The following SFMBT2 variants were observed in gnomAD, a reference collection of about 807,000 sequenced individuals.
The protein encoded by SFMBT2 is Scm like with four mbt domains 2, also known as scm-like with four MBT domains protein 2.
SFMBT2 carries 38 observed loss-of-function variants against 110.1 expected under a neutral mutation model. The ratio of observed to expected loss-of-function variants is 0.35; its 90% CI spans 0.27 to 0.45. The LOEUF (loss-of-function observed/expected upper bound fraction) is 0.45. Among genes scored for constraint, SFMBT2 ranks in the 20% least tolerant of loss-of-function variants. The pLI, the probability that SFMBT2 is intolerant of heterozygous loss-of-function variation, is 1.00. For missense variants in SFMBT2, 1,011 were observed against 1,094.9 expected, an observed-to-expected ratio of 0.92 and a Z score of 1.08; for synonymous variants, 425 against 425.4, an observed-to-expected ratio of 1.00 and a Z score of 0.01.
chr10:7,174,911 C>T (rs1248056292), intron 17 of SFMBT2, among the ~76,000 whole-genome samples: 1 of 152,182 alleles, frequency 6.6e-6, no homozygotes, highest in African/African-American at 2.4e-5. Flanking sequence ...GCACAGCTGG[C>T]CTCCATCAGA....
chr10:7,374,731 G>T (rs1480003241), intron 2 of SFMBT2, among the ~76,000 whole-genome samples: 1 of 152,070 alleles, frequency 6.6e-6, no homozygotes. Flanking sequence ...GACCTAGAAT[G>T]GGATTTAAAA....
chr10:7,173,957 G>T (rs542500125), intron 17 of SFMBT2, among the ~76,000 whole-genome samples: 165 of 152,278 alleles, frequency 1.1e-3, no homozygotes, highest in Admixed American at 1.9e-3. Context: ...CTTACAAAAT[G>T]AGACCATCAG....
Position 7,288,862 on chromosome 10 carries a change from C to CCT in SFMBT2, c.437-2909_437-2908insAG, listed in dbSNP as rs1554798914. On this transcript the variant is annotated intron_variant, in intron 4 of 20. Coordinates refer to ENST00000397167, the MANE Select transcript of SFMBT2 (RefSeq NM_001387889.1). ...TGGCCAATATGGTGAAACCCCCCCC[C>CCT]CCATCTCCACTAGAAATAGAAAAAT... is the stretch of plus-strand genomic sequence containing the variant. Among the ~76,000 whole-genome samples, 1,274 of 151,414 alleles carry CCT rather than the reference C, an allele frequency of 8.4e-3. 15 individuals are homozygous for CCT. The highest frequency in any genetic ancestry group is 0.029 in the African/African-American group (1,205 of 41,220).
rs151299026 is a variant in SFMBT2, at chr10:7,285,879, T to C, written c.512A>G (p.Asn171Ser). The C allele has an allele frequency of 8.0e-6, 7 of 872,526 alleles. No homozygotes were observed. The highest frequency in any genetic ancestry group is 2.4e-5 in the East Asian group (1 of 41,718). 54.0% of individuals were successfully genotyped at this position (872,526 alleles called of 1,614,324 possible). Residue 171 changes from asparagine to serine, a missense_variant, in exon 5 of 21, where the codon AAC becomes AGC. This residue lies in a region of SFMBT2 where 979 missense variants were observed against 1,016.1 expected (regional missense o/e 0.96). Coordinates refer to ENST00000397167, the MANE Select transcript of SFMBT2 (RefSeq NM_001387889.1). Reference protein sequence around the residue: ...DLTGSRTAPANLLEGPLRGKG... With the variant: ...DLTGSRTAPASLLEGPLRGKG... The stretch of plus-strand genomic sequence containing the variant: ...AACAATACATACACCTTCCAGGAGG[T>C]TGGCGGGTGCTGTCCTCGAACCAGT...
At position 7,410,419 on chromosome 10, in the gene SFMBT2, G is replaced by A. The variant is rs934973218; in HGVS notation, c.-52+442C>T. Among the ~76,000 whole-genome samples the A allele has an allele frequency of 2.6e-5, 4 of 152,248 alleles. No homozygotes were observed. The South Asian group carries it at 8.3e-4, about 32-fold the overall frequency. On this transcript the variant is annotated intron_variant, in intron 1 of 20. Coordinates refer to ENST00000397167, the MANE Select transcript of SFMBT2 (RefSeq NM_001387889.1). ...ACGCGGGAGCGCGGGGTAGGTAGCA[G>A]CGGCGGCTGCGTCGCTAAAATGAGT...
rs563250648 is a variant in SFMBT2 at position 7,381,074 on chromosome 10, T to C, written c.100+725A>G. 1.1e-3 allele frequency among the ~76,000 whole-genome samples: 109 copies of C among 102,906 alleles called. 2 individuals are homozygous for C. The East Asian group carries it at 0.019, about 18-fold the overall frequency. 67.5% of individuals were successfully genotyped at this position (102,906 alleles called of 152,430 possible). ...AAACACACACACACACATACACACA[T>C]ACATACATACATACATACATACATA... On this transcript the variant is annotated intron_variant, in intron 2 of 20. Coordinates refer to ENST00000397167, the MANE Select transcript of SFMBT2 (RefSeq NM_001387889.1).
chr10:7,385,674 C>T (rs576366309), intron 1 of SFMBT2, among the ~76,000 whole-genome samples: 1 of 152,278 alleles, frequency 6.6e-6, no homozygotes, highest in East Asian at 1.9e-4. Flanking sequence ...AACACTCAAA[C>T]GAGCTAAGGC....
chr10:7,251,455 C>A (rs1449479977), intron 7 of SFMBT2, among the ~76,000 whole-genome samples: 1 of 152,152 alleles, frequency 6.6e-6, no homozygotes, highest in Non-Finnish European at 1.5e-5. Context: ...GCCTGGGTGA[C>A]AGGGTGAGAC....
At chr10:7,244,190 C>G in intron 8 of SFMBT2, 1 of 247,248 alleles carries the variant, frequency 4.0e-6, no homozygotes, top group Non-Finnish European at 6.5e-6. Flanking sequence ...ACACCCCACC[C>G]TCCAGCCCGA....
intron 16 of SFMBT2, among the ~76,000 whole-genome samples, chr10:7,178,632 T>A (rs1838146797): frequency 6.6e-6 from 1 of 152,200 alleles, no homozygotes; most frequent in Non-Finnish European, 1.5e-5. Context: ...TATTGTCACT[T>A]GTTGCTCATC....
chr10:7,277,667 T>C lies in SFMBT2; in HGVS notation c.773-678A>G, dbSNP rs572036483. Reference sequence around the variant, plus strand: ...AAAAAAAAAACGTTGAGCACTGTTTTTACCTATTGCTGAAACTGCAGGAGA... The same window carrying C: ...AAAAAAAAAACGTTGAGCACTGTTTCTACCTATTGCTGAAACTGCAGGAGA... On this transcript the variant is annotated intron_variant, in intron 6 of 20. Transcript: ENST00000397167. 1.9e-4 allele frequency among the ~76,000 whole-genome samples: 29 copies of C among 152,304 alleles called. 1 individual carries two copies. The highest frequency in any genetic ancestry group is 6.0e-4 in the African/African-American group (25 of 41,556).
intron 7 of SFMBT2, among the ~76,000 whole-genome samples, chr10:7,250,117 T>G (rs1351857899): frequency 1.3e-5 from 2 of 152,132 alleles, no homozygotes. Context: ...AGCCTTTAAT[T>G]TATTTATTTT....
intron 7 of SFMBT2, among the ~76,000 whole-genome samples, chr10:7,260,654 G>A (rs181867864): frequency 3.9e-5 from 6 of 152,250 alleles, no homozygotes; most frequent in South Asian, 2.1e-4. Flanking sequence ...CCACTCTTCC[G>A]GCTTACACCA....
intron 4 of SFMBT2, among the ~76,000 whole-genome samples, chr10:7,352,695 G>A: frequency 6.6e-6 from 1 of 152,160 alleles, no homozygotes; most frequent in East Asian, 1.9e-4. Context: ...TCAACAGCAG[G>A]GCAGAAATGG....
chr10:7,308,393 C>T (rs1218763293), intron 4 of SFMBT2, among the ~76,000 whole-genome samples: 1 of 151,804 alleles, frequency 6.6e-6, no homozygotes, highest in East Asian at 1.9e-4. Context: ...AAATTTAGCA[C>T]CTATTAAAAG....
chr10:7,298,680 T>C (rs1163730656), intron 4 of SFMBT2, among the ~76,000 whole-genome samples: 2 of 152,220 alleles, frequency 1.3e-5, no homozygotes, highest in Non-Finnish European at 2.9e-5. Flanking sequence ...TGTGCATGTG[T>C]ATACGTGTAC....
In SFMBT2 at chr10:7,249,437, A is replaced by T. The variant is rs73615431; in HGVS notation, c.871-788T>A. 9.9e-4 allele frequency: 809 copies of T among 817,714 alleles called. 6 individuals carry two copies. The African/African-American group carries it at 0.014, about 14-fold the overall frequency. The allele number at this position is 817,714 out of a possible 1,614,324, so 50.7% of individuals were successfully genotyped here. A position where few individuals can be genotyped will look rare whatever the true frequency, so the allele number is the denominator to read the frequency against. On this transcript the variant is annotated intron_variant, in intron 7 of 20. Coordinates refer to ENST00000397167, the MANE Select transcript of SFMBT2 (RefSeq NM_001387889.1). ...AATTTATCTTGCGGAGATGGAGGTC[A>T]CCTCATAACTCACAGTCTGGATAAA...
At chr10:7,202,453 T>C (rs1838986265) in intron 13 of SFMBT2, 27 bp downstream of exon 13, 4 of 1,613,636 alleles carry the variant, frequency 2.5e-6, no homozygotes, top group Admixed American at 1.7e-5. Context: ...GTATACAGTG[T>C]AGTCTGGAGG....
chr10:7,209,768 C>T (rs181866195), intron 11 of SFMBT2, among the ~76,000 whole-genome samples: 112 of 152,280 alleles, frequency 7.4e-4, no homozygotes, highest in Admixed American at 1.8e-3. Flanking sequence ...GGCTGGAGGC[C>T]GGGGCACAGG....
Sources: allele counts gnomAD v4.1 joint callset (sites outside exome capture counted in the v4.1 genomes callset), GRCh38; gene constraint gnomAD v4.1.1; regional missense constraint gnomAD v4.1.1; transcripts MANE v1.5; gene names NCBI Gene and HGNC (gene_info 2026-07-23, HGNC 2026-07-21).